Variants in TLK1 observed in about 807,000 individuals in gnomAD.
TLK1 encodes the protein serine/threonine-protein kinase tousled-like 1.
Under a neutral mutation model 105.3 loss-of-function variants are expected in TLK1, and 24 were observed. The ratio of observed to expected loss-of-function variants is 0.23; its 90% CI spans 0.17 to 0.32. The LOEUF (loss-of-function observed/expected upper bound fraction) is 0.32. Among genes scored for constraint, TLK1 ranks in the 10% least tolerant of loss-of-function variants. TLK1 has a pLI of 1.00. For missense variants in TLK1, 558 were observed against 910.5 expected (o/e 0.61, Z 4.98); for synonymous variants, 321 against 310.4 (o/e 1.03, Z -0.36).
chr2:171,079,186 C>T (rs1222834774), intron 3 of TLK1, among the ~76,000 whole-genome samples: 1 of 152,198 alleles, frequency 6.6e-6, no homozygotes, highest in Admixed American at 6.5e-5. Context: ...AACACATATC[C>T]TAGTCCCTCT....
At chr2:171,171,295 A>G (rs2105302355) in intron 1 of TLK1, among the ~76,000 whole-genome samples, 1 of 152,240 alleles carries the variant, frequency 6.6e-6, no homozygotes, top group Non-Finnish European at 1.5e-5. Context: ...TCAAAGCTAC[A>G]GTGAACTGAG....
chr2:171,098,945 GAAAT>G (rs1417456146), intron 2 of TLK1, among the ~76,000 whole-genome samples: 1 of 152,138 alleles, frequency 6.6e-6, no homozygotes, highest in African/African-American at 2.4e-5. Flanking sequence ...CAGCAATCTA[GAAAT>G]AAAAGGAAAC....
At chr2:171,205,866 A>G (rs1006037900) in intron 1 of TLK1, among the ~76,000 whole-genome samples, 1 of 152,244 alleles carries the variant, frequency 6.6e-6, no homozygotes, top group Non-Finnish European at 1.5e-5. Flanking sequence ...ATGAAATATT[A>G]TATACACAGA....
intron 1 of TLK1, among the ~76,000 whole-genome samples, chr2:171,152,290 A>C (rs1023008167): frequency 6.6e-6 from 1 of 152,192 alleles, no homozygotes; most frequent in Non-Finnish European, 1.5e-5. Context: ...GAATATAATC[A>C]CTTTTATTTA....
At chr2:171,123,315 G>A (rs1406085610) in intron 1 of TLK1, among the ~76,000 whole-genome samples, 1 of 152,054 alleles carries the variant, frequency 6.6e-6, no homozygotes, top group Non-Finnish European at 1.5e-5. Context: ...TCCCACCTCA[G>A]CCTCCCAAGT....
At chr2:171,114,269 A>G (rs1048387923) in intron 2 of TLK1, among the ~76,000 whole-genome samples, 3 of 152,182 alleles carry the variant, frequency 2.0e-5, no homozygotes, top group South Asian at 2.1e-4. Flanking sequence ...CACACACCCT[A>G]AACTCCAGAG....
chr2:171,135,954 G>C (rs1691302286), intron 1 of TLK1, among the ~76,000 whole-genome samples: 1 of 152,156 alleles, frequency 6.6e-6, no homozygotes, highest in Admixed American at 6.5e-5. Context: ...CTGTCAGTAG[G>C]AATGTAAAAT....
intron 11 of TLK1, among the ~76,000 whole-genome samples, chr2:171,038,013 TAC>T (rs2105409025): frequency 6.6e-6 from 1 of 152,358 alleles, no homozygotes; most frequent in East Asian, 1.9e-4. Context: ...ATGTTTAAAT[TAC>T]AGATTCACTT....
chr2:171,122,426 A>T (rs1489731153), intron 1 of TLK1, among the ~76,000 whole-genome samples: 1 of 152,200 alleles, frequency 6.6e-6, no homozygotes, highest in Non-Finnish European at 1.5e-5. Flanking sequence ...TGCTTATAAG[A>T]AATGCAAAAT....
intron 1 of TLK1, among the ~76,000 whole-genome samples, chr2:171,121,016 T>C (rs1257004965): frequency 1.3e-5 from 2 of 152,122 alleles, no homozygotes; most frequent in Non-Finnish European, 2.9e-5. Context: ...TCCGAAGATA[T>C]GCTAAGTAAA....
At chr2:171,144,012 T>A (rs776731421) in intron 1 of TLK1, among the ~76,000 whole-genome samples, 1 of 152,070 alleles carries the variant, frequency 6.6e-6, no homozygotes, top group Non-Finnish European at 1.5e-5. Context: ...GGAAAAAACA[T>A]ACCATGCAAA....
chr2:171,114,990 G>A (rs1690347956), intron 2 of TLK1, among the ~76,000 whole-genome samples: 2 of 152,064 alleles, frequency 1.3e-5, no homozygotes, highest in Non-Finnish European at 2.9e-5. Context: ...TAATAAATTT[G>A]TGTTATCTTA....
chr2:171,103,262 ATT>A (rs1491569562), intron 2 of TLK1, among the ~76,000 whole-genome samples: 1 of 142,782 alleles, frequency 7.0e-6, no homozygotes, highest in African/African-American at 3.0e-5. Context: ...TTGATCTCAA[ATT>A]TATATATATA....
Position 170,992,429 on chromosome 2 carries a change from C to T in TLK1, c.*1351G>A, listed in dbSNP as rs1416732978. The T allele has an allele frequency of 6.6e-6, 1 of 152,550 alleles. No homozygotes were observed. Among genetic ancestry groups the T allele is most frequent in the East Asian group, 1.9e-4 (1 of 5,198 alleles). The allele number at this position is 152,550 out of a possible 1,614,324, so 9.4% of individuals were successfully genotyped here. Reference sequence around the variant, plus strand: ...CCTTACAGGAGTGAAATACAGCATCCTGAAAAATATTGGTTTCTACCCTAC... The same window carrying T: ...CCTTACAGGAGTGAAATACAGCATCTTGAAAAATATTGGTTTCTACCCTAC... On this transcript the variant is annotated 3_prime_UTR_variant, in exon 21 of 21. Coordinates refer to ENST00000431350, the MANE Select transcript of TLK1 (RefSeq NM_012290.5).
chr2:171,054,018 T>C, intron 7 of TLK1, 165 bp from the exon 8 acceptor site: 1 of 484,570 alleles, frequency 2.1e-6, no homozygotes, highest in Non-Finnish European at 3.6e-6. Context: ...ACTTCAAGTG[T>C]ATAAATGCTA....
In TLK1 at chr2:171,105,040, C is replaced by T. The variant is rs538746207; in HGVS notation, c.258+12699G>A. On this transcript the variant is annotated intron_variant, in intron 2 of 20. Coordinates refer to ENST00000431350, the MANE Select transcript of TLK1 (RefSeq NM_012290.5). The stretch of plus-strand genomic sequence containing the variant: ...AAAGATTTAAATGTAAGATCCCAAA[C>T]TATGAAACTACTAGAAGAAACCTTA... 9.9e-5 allele frequency among the ~76,000 whole-genome samples: 15 copies of T among 152,282 alleles called. No individual in the cohort carries two copies. In the South Asian group the frequency reaches 3.1e-3, roughly 32 times the overall value.
At chr2:171,170,370 T>G (rs1692704308) in intron 1 of TLK1, among the ~76,000 whole-genome samples, 5 of 152,072 alleles carry the variant, frequency 3.3e-5, no homozygotes, top group Admixed American at 3.3e-4. Context: ...TTCACAAAAT[T>G]GAAAATAAAT....
intron 12 of TLK1, among the ~76,000 whole-genome samples, chr2:171,015,733 C>CACA (rs1685169621): frequency 0.035 from 284 of 8,160 alleles, 2 homozygotes; most frequent in African/African-American, 0.049. Context: ...ACACACACAC[C>CACA]CACCCCTTTT....
chr2:171,019,718 T>C (rs1172579881), intron 12 of TLK1, among the ~76,000 whole-genome samples: 1 of 152,160 alleles, frequency 6.6e-6, no homozygotes, highest in Admixed American at 6.5e-5. Flanking sequence ...GAACAGTCTA[T>C]TCACCGTAAC....
Sources: allele counts gnomAD v4.1 joint callset (sites outside exome capture counted in the v4.1 genomes callset), GRCh38; gene constraint gnomAD v4.1.1; transcripts MANE v1.5; gene names NCBI Gene and HGNC (gene_info 2026-07-23, HGNC 2026-07-21).